The following UBE2H variants were observed in gnomAD, a reference collection of about 807,000 sequenced individuals.
UBE2H encodes the protein ubiquitin-conjugating enzyme E2 H.
Under a neutral mutation model 29.0 loss-of-function variants are expected in UBE2H, and 3 were observed. That is an observed-to-expected ratio of 0.10 (90% CI 0.05 to 0.27). UBE2H has a LOEUF of 0.27. Among genes scored for constraint, UBE2H ranks in the 10% least tolerant of loss-of-function variants. The probability of loss-of-function intolerance (pLI) is 1.00; values close to 1 mark genes in which losing one functional copy is unlikely to be tolerated. For missense variants in UBE2H, 68 were observed against 228.2 expected (o/e 0.30, Z 4.52); for synonymous variants, 69 against 82.9 (o/e 0.83, Z 0.91).
intron 1 of UBE2H, among the ~76,000 whole-genome samples, chr7:129,887,005 T>G (rs1054919892): frequency 6.6e-6 from 1 of 152,112 alleles, no homozygotes; most frequent in Admixed American, 6.5e-5. Flanking sequence ...TTGAATCCTA[T>G]GTTAATGATC....
chr7:129,864,014 A>G (rs1805849797), intron 3 of UBE2H, among the ~76,000 whole-genome samples: 1 of 152,010 alleles, frequency 6.6e-6, no homozygotes, highest in African/African-American at 2.4e-5. Context: ...GCTGGTCTTG[A>G]ACTCCTGACC....
At chr7:129,867,598 T>C (rs1285671529) in intron 3 of UBE2H, among the ~76,000 whole-genome samples, 1 of 105,428 alleles carries the variant, frequency 9.5e-6, no homozygotes, top group Admixed American at 1.1e-4. Flanking sequence ...TACCTAATGC[T>C]AGATGACACA....
intron 5 of UBE2H, 68 bp from the exon 6 acceptor site, chr7:129,839,403 T>C (rs1805386859): frequency 1.9e-6 from 3 of 1,601,028 alleles, no homozygotes; most frequent in Middle Eastern, 1.7e-4. Flanking sequence ...TTGCATTCAG[T>C]AGTCAAGCTG....
chr7:129,902,787 A>C (rs1445304394), intron 1 of UBE2H, among the ~76,000 whole-genome samples: 1 of 152,132 alleles, frequency 6.6e-6, no homozygotes, highest in East Asian at 1.9e-4. Flanking sequence ...TCCCCCCACC[A>C]TTTACAAAAG....
rs147228151 is a variant in UBE2H at position 129,924,616 on chromosome 7, TCACA to T, written c.53+27883_53+27886del. Among the ~76,000 whole-genome samples, 1,256 of 144,000 alleles carry T rather than the reference TCACA, an allele frequency of 8.7e-3. 8 individuals carry two copies. Among genetic ancestry groups the T allele is most frequent in the African/African-American group, 0.017 (659 of 39,286 alleles). 94.5% of individuals were successfully genotyped at this position (144,000 alleles called of 152,430 possible). A position where few individuals can be genotyped will look rare whatever the true frequency, so the allele number is the denominator to read the frequency against. On this transcript the variant is annotated intron_variant, in intron 1 of 6. Coordinates refer to ENST00000355621, the MANE Select transcript of UBE2H (RefSeq NM_003344.4). ...ATATGGTTGTGAAGGCCTTTTACAT[TCACA>T]CACACACACACACACACACACACAC...
At chr7:129,928,564 A>C (rs1262849575) in intron 1 of UBE2H, among the ~76,000 whole-genome samples, 1 of 152,288 alleles carries the variant, frequency 6.6e-6, no homozygotes, top group South Asian at 2.1e-4. Context: ...GATTGCACCA[A>C]TGCACTCCAG....
At chr7:129,847,316 A>T (rs947887312) in intron 5 of UBE2H, among the ~76,000 whole-genome samples, 3 of 152,200 alleles carry the variant, frequency 2.0e-5, no homozygotes, top group African/African-American at 7.2e-5. Context: ...CTGGGATTAC[A>T]GGCATGAGCC....
At chr7:129,860,726 T>A (rs1203703491) in intron 3 of UBE2H, among the ~76,000 whole-genome samples, 1 of 152,026 alleles carries the variant, frequency 6.6e-6, no homozygotes, top group Non-Finnish European at 1.5e-5. Flanking sequence ...TTTTTTTTTT[T>A]AAGTTGCAGG....
chr7:129,838,010 T>A (rs755795989), intron 6 of UBE2H, among the ~76,000 whole-genome samples: 1 of 152,210 alleles, frequency 6.6e-6, no homozygotes, highest in African/African-American at 2.4e-5. Flanking sequence ...CTCCAAGATA[T>A]CTGTGGTTTG....
intron 1 of UBE2H, among the ~76,000 whole-genome samples, chr7:129,912,738 C>T (rs1484252485): frequency 3.9e-5 from 6 of 152,206 alleles, no homozygotes; most frequent in Non-Finnish European, 8.8e-5. Flanking sequence ...ATAAAGCCCG[C>T]TCACTCATAC....
Position 129,944,766 on chromosome 7 carries a change from G to A in UBE2H, c.53+7737C>T, listed in dbSNP as rs1035454636. Among the ~76,000 whole-genome samples, 5 of 138,496 alleles carry A rather than the reference G, an allele frequency of 3.6e-5. 1 individual carries two copies. The highest frequency in any genetic ancestry group is 4.7e-4 in the South Asian group (2 of 4,254). The allele number at this position is 138,496 out of a possible 152,430, so 90.9% of individuals were successfully genotyped here. On this transcript the variant is annotated intron_variant, in intron 1 of 6. Transcript: ENST00000355621. ...CACACACACACGCACGCACGCACGC[G>A]CATGCGCAAACCCTACCACATGATC...
chr7:129,917,898 C>T (rs76605191), intron 1 of UBE2H, among the ~76,000 whole-genome samples: 3,059 of 152,284 alleles, frequency 0.02, 49 homozygotes, highest in Non-Finnish European at 0.029. Flanking sequence ...CCTTTGAATA[C>T]GCTCCTTAAC....
intron 1 of UBE2H, among the ~76,000 whole-genome samples, chr7:129,927,457 T>C (rs1184426550): frequency 6.6e-6 from 1 of 152,168 alleles, no homozygotes; most frequent in African/African-American, 2.4e-5. Context: ...AGAGAATTGC[T>C]TGAACCCTGG....
intron 1 of UBE2H, among the ~76,000 whole-genome samples, chr7:129,949,475 C>G (rs1807831110): frequency 6.6e-6 from 1 of 152,144 alleles, no homozygotes; most frequent in East Asian, 1.9e-4. Flanking sequence ...AAATCAGTTT[C>G]TAGGCTCCTG....
At chr7:129,911,097 A>G (rs539462206) in intron 1 of UBE2H, among the ~76,000 whole-genome samples, 1 of 149,890 alleles carries the variant, frequency 6.7e-6, no homozygotes, top group South Asian at 2.1e-4. Context: ...AGGCATGGTG[A>G]CTCATGCCTG....
intron 1 of UBE2H, among the ~76,000 whole-genome samples, chr7:129,898,018 T>TA (rs990703094): frequency 4.3e-4 from 65 of 152,204 alleles, no homozygotes; most frequent in African/African-American, 1.4e-3. Context: ...TGCTGCTTTT[T>TA]AAAAAAACCC....
intron 4 of UBE2H, 113 bp from the exon 5 acceptor site, chr7:129,857,676 A>C: frequency 8.8e-7 from 1 of 1,138,650 alleles, no homozygotes; most frequent in East Asian, 2.5e-5. Flanking sequence ...TCTGTGAAAA[A>C]AAGAATCCCA....
chr7:129,925,714 C>T (rs1015724213), intron 1 of UBE2H, among the ~76,000 whole-genome samples: 1 of 152,138 alleles, frequency 6.6e-6, no homozygotes, highest in African/African-American at 2.4e-5. Context: ...GGGGAATAGT[C>T]TCAGCTAGCT....
At chr7:129,886,987 G>T (rs939088533) in intron 1 of UBE2H, among the ~76,000 whole-genome samples, 2 of 151,972 alleles carry the variant, frequency 1.3e-5, no homozygotes. Context: ...GGCCAGCAAC[G>T]TTAATGATTG....
Sources: gnomAD v4.1 joint callset for allele counts (sites outside exome capture counted in the v4.1 genomes callset) on GRCh38, gnomAD v4.1.1 for gene constraint, MANE v1.5 for transcripts, NCBI Gene and HGNC (gene_info 2026-07-23, HGNC 2026-07-21) for gene names.